The following CNNM2 variants were observed in gnomAD, a reference collection of about 807,000 sequenced individuals.
The protein encoded by CNNM2 is metal transporter CNNM2.
In CNNM2, 12 loss-of-function variants were observed where a neutral mutation model predicts 66.9. That is an observed-to-expected ratio of 0.18 (90% CI 0.11 to 0.29). The LOEUF (loss-of-function observed/expected upper bound fraction) is 0.29. Among genes scored for constraint, CNNM2 ranks in the 10% least tolerant of loss-of-function variants. CNNM2 has a pLI of 1.00. For missense variants in CNNM2, 705 were observed against 1,167.7 expected (o/e 0.60, Z 5.77); for synonymous variants, 557 against 501.8 (o/e 1.11, Z -1.47).
chr10:103,034,377 A>G (rs2064890003), intron 1 of CNNM2, among the ~76,000 whole-genome samples: 1 of 151,798 alleles, frequency 6.6e-6, no homozygotes, highest in Admixed American at 6.6e-5. Flanking sequence ...TTCCCCTTCA[A>G]GCAGGTTTAA....
chr10:102,918,495 C>A lies in CNNM2; in HGVS notation c.15C>A (p.Gly5=). The change falls in exon 1 of 8, where the codon GGC becomes GGA. Residue 5 remains glycine, a synonymous_variant. Coordinates refer to ENST00000369878, the MANE Select transcript of CNNM2 (RefSeq NM_017649.5). This position sits in a 1 kb window ranked among gnomAD's most constrained non-coding sequence, Gnocchi z 4.1. The part of the protein sequence containing the change: MIGC[G]ACEPKVKMAG... ...GCAGCCACCCTATGATTGGCTGTGG[C>A]GCTTGTGAACCCAAAGTAAAGATGG... 6.2e-7 allele frequency: 1 copy of A among 1,607,008 alleles called. No individual in the cohort carries two copies. Among genetic ancestry groups the A allele is most frequent in the South Asian group, 1.1e-5 (1 of 90,210 alleles).
chr10:102,945,467 T>A (rs1173329256), intron 1 of CNNM2, among the ~76,000 whole-genome samples: 1 of 152,106 alleles, frequency 6.6e-6, no homozygotes, highest in Non-Finnish European at 1.5e-5. Context: ...AGAAAGCATA[T>A]ATTATGTTTT....
At position 103,079,414 on chromosome 10, in the gene CNNM2, CCA is replaced by C. The variant is rs1171015216; in HGVS notation, c.*2241_*2242del. The stretch of plus-strand genomic sequence containing the variant: ...CCTATCTGGGCTCACGTCTGCTTCT[CCA>C]CACACAGTCTCTCGGGGATGCCTTG... On this transcript the variant is annotated 3_prime_UTR_variant, in exon 8 of 8. Transcript: ENST00000369878. 1 of 152,270 alleles carries C rather than the reference CCA, an allele frequency of 6.6e-6. No individual in the cohort carries two copies. The highest frequency in any genetic ancestry group is 1.5e-5 in the Non-Finnish European group (1 of 68,092). The allele number at this position is 152,270 out of a possible 1,614,324, so 9.4% of individuals were successfully genotyped here. A position where few individuals can be genotyped will look rare whatever the true frequency, so the allele number is the denominator to read the frequency against.
chr10:102,977,822 A>G (rs1281737014), intron 1 of CNNM2, among the ~76,000 whole-genome samples: 1 of 152,190 alleles, frequency 6.6e-6, no homozygotes, highest in Non-Finnish European at 1.5e-5. Flanking sequence ...AAGTGAGGAA[A>G]GTAGGTGAAC....
chr10:102,990,436 C>T (rs1347151579), intron 1 of CNNM2, among the ~76,000 whole-genome samples: 1 of 152,144 alleles, frequency 6.6e-6, no homozygotes, highest in East Asian at 1.9e-4. Flanking sequence ...TAAGGTTAAA[C>T]TGGCCAGTTT....
At position 103,090,046 on chromosome 10, in the gene CNNM2, T is replaced by C. The variant is rs1253067614; in HGVS notation, c.*12866T>C. ...CACAGGACAAGTCAATATAGACTTATCTTCATAGAACTACTTATAGTTGCC... is the reference window on the plus strand; with the variant it reads ...CACAGGACAAGTCAATATAGACTTACCTTCATAGAACTACTTATAGTTGCC... On this transcript the variant is annotated 3_prime_UTR_variant, in exon 8 of 8. Coordinates refer to ENST00000369878, the MANE Select transcript of CNNM2 (RefSeq NM_017649.5). The C allele has an allele frequency of 6.7e-6, 4 of 593,402 alleles. No homozygotes were observed. Among genetic ancestry groups the C allele is most frequent in the African/African-American group, 3.7e-5 (2 of 53,376 alleles). 36.8% of individuals were successfully genotyped at this position (593,402 alleles called of 1,614,324 possible). A position where few individuals can be genotyped will look rare whatever the true frequency, so the allele number is the denominator to read the frequency against.
chr10:103,041,617 T>C (rs1411581359), intron 1 of CNNM2, among the ~76,000 whole-genome samples: 2 of 152,228 alleles, frequency 1.3e-5, no homozygotes, highest in African/African-American at 4.8e-5. Flanking sequence ...TCACTTACAC[T>C]GTGGCCCTCA....
intron 6 of CNNM2, among the ~76,000 whole-genome samples, chr10:103,075,758 G>A (rs888836806): frequency 6.6e-6 from 1 of 152,138 alleles, no homozygotes; most frequent in Admixed American, 6.5e-5. Flanking sequence ...TTGGGCCTTG[G>A]CCCAACCTCG....
At chr10:102,999,883 TAAG>T (rs2064083255) in intron 1 of CNNM2, among the ~76,000 whole-genome samples, 1 of 152,160 alleles carries the variant, frequency 6.6e-6, no homozygotes, top group South Asian at 2.1e-4. Flanking sequence ...AAACAGAACA[TAAG>T]AAGTGTTGGC....
At chr10:103,073,868 CAAAAAAAAAAAA>C (rs61331007) in intron 6 of CNNM2, among the ~76,000 whole-genome samples, 102 of 70,252 alleles carry the variant, frequency 1.5e-3, no homozygotes, top group East Asian at 0.014. Flanking sequence ...GACTCCGTCT[CAAAAAAAAAAAA>C]AAAAAAAAAA....
At chr10:102,927,237 C>T in intron 1 of CNNM2, 1 of 1,411,700 alleles carries the variant, frequency 7.1e-7, no homozygotes, top group Admixed American at 2.0e-5. Flanking sequence ...TTAAGATTTG[C>T]TTGACATATA....
chr10:103,019,917 A>G (rs1057072509), intron 1 of CNNM2, among the ~76,000 whole-genome samples: 2 of 152,192 alleles, frequency 1.3e-5, no homozygotes, highest in East Asian at 1.9e-4. Flanking sequence ...CACACTTTGG[A>G]AAAAAATGTC....
chr10:102,981,446 CACTT>C (rs148197866), intron 1 of CNNM2, among the ~76,000 whole-genome samples: 5,720 of 152,076 alleles, frequency 0.038, 145 homozygotes, highest in Non-Finnish European at 0.056. Flanking sequence ...TTGGTTTACT[CACTT>C]ATCTTGGGAG....
intron 1 of CNNM2, among the ~76,000 whole-genome samples, chr10:102,969,946 T>C (rs2063524449): frequency 6.6e-6 from 1 of 152,166 alleles, no homozygotes; most frequent in African/African-American, 2.4e-5. Flanking sequence ...CCTGCCTTAT[T>C]AACTGTATTT....
At chr10:102,941,604 C>T (rs1161591688) in intron 1 of CNNM2, among the ~76,000 whole-genome samples, 1 of 152,186 alleles carries the variant, frequency 6.6e-6, no homozygotes, top group Non-Finnish European at 1.5e-5. Flanking sequence ...GTTGTTGCTG[C>T]TCCTTCTCCC....
At chr10:103,037,927 C>A (rs1321589011) in intron 1 of CNNM2, among the ~76,000 whole-genome samples, 2 of 152,058 alleles carry the variant, frequency 1.3e-5, no homozygotes, top group Non-Finnish European at 2.9e-5. Flanking sequence ...GCAACCTCCA[C>A]CTCTTGGGTT....
At chr10:103,007,819 G>A (rs2064257544) in intron 1 of CNNM2, among the ~76,000 whole-genome samples, 1 of 152,158 alleles carries the variant, frequency 6.6e-6, no homozygotes, top group Non-Finnish European at 1.5e-5. Flanking sequence ...GTCCTGAGGT[G>A]ACGTACATCC....
At chr10:102,943,949 T>A (rs765700896) in intron 1 of CNNM2, among the ~76,000 whole-genome samples, 30 of 152,230 alleles carry the variant, frequency 2.0e-4, no homozygotes, top group Non-Finnish European at 3.5e-4. Context: ...TATGCTGACT[T>A]CTGAACTTCT....
In CNNM2 at chr10:103,036,487, G is replaced by A. The variant is rs78312046; in HGVS notation, c.1622-13220G>A. 0.019 allele frequency among the ~76,000 whole-genome samples: 2,889 copies of A among 152,252 alleles called. 65 individuals carry two copies. Among genetic ancestry groups the A allele is most frequent in the South Asian group, 0.12 (569 of 4,824 alleles). Reference sequence around the variant, plus strand: ...ATTAGTGTTTAATTGAATTACCAGGGATTGTTAAATTCATCAACACATTGG... The same window carrying A: ...ATTAGTGTTTAATTGAATTACCAGGAATTGTTAAATTCATCAACACATTGG... On this transcript the variant is annotated intron_variant, in intron 1 of 7. Coordinates refer to ENST00000369878, the MANE Select transcript of CNNM2 (RefSeq NM_017649.5).
Sources: allele counts gnomAD v4.1 joint callset (sites outside exome capture counted in the v4.1 genomes callset), GRCh38; gene constraint gnomAD v4.1.1; non-coding constraint Gnocchi (gnomAD v3.1); transcripts MANE v1.5; gene names NCBI Gene and HGNC (gene_info 2026-07-23, HGNC 2026-07-21).